The following DMRT1 variants were observed in gnomAD, a reference collection of about 807,000 sequenced individuals.
DMRT1 encodes doublesex- and mab-3-related transcription factor 1.
In DMRT1, 7 loss-of-function variants were observed where a neutral mutation model predicts 32.3. That is an observed-to-expected ratio of 0.22 (90% CI 0.12 to 0.41). DMRT1 has a LOEUF of 0.41. Ranked by LOEUF, DMRT1 falls within the 10% of genes least tolerant of loss-of-function variation. The pLI, the probability that DMRT1 is intolerant of heterozygous loss-of-function variation, is 1.00. For missense variants in DMRT1, 625 were observed against 500.5 expected, an observed-to-expected ratio of 1.25 and a Z score of -2.37; for synonymous variants, 278 against 206.1, an observed-to-expected ratio of 1.35 and a Z score of -2.99.
At chr9:864,190 ACTT>A (rs149663610) in intron 2 of DMRT1, among the ~76,000 whole-genome samples, 48,457 of 146,546 alleles carry the variant, frequency 0.33, 9,632 homozygotes, top group Non-Finnish European at 0.45. Context: ...TATTCTTTTA[ACTT>A]CTTCTTCTTC....
intron 4 of DMRT1, among the ~76,000 whole-genome samples, chr9:924,667 G>A (rs745839922): frequency 2.6e-5 from 4 of 152,170 alleles, no homozygotes; most frequent in Non-Finnish European, 4.4e-5. Context: ...GAGTGAGGAA[G>A]ATGGAGCATA....
At chr9:947,443 T>G (rs1250241083) in intron 4 of DMRT1, among the ~76,000 whole-genome samples, 2 of 152,248 alleles carry the variant, frequency 1.3e-5, no homozygotes, top group Non-Finnish European at 2.9e-5. Context: ...AATTTCTTGC[T>G]TCAGAAGTAA....
At chr9:852,477 G>C (rs572965607) in intron 2 of DMRT1, among the ~76,000 whole-genome samples, 26 of 147,664 alleles carry the variant, frequency 1.8e-4, no homozygotes, top group Non-Finnish European at 3.1e-4. Flanking sequence ...GCTCCTCTTT[G>C]TTTTGTTTTA....
chr9:871,265 C>G (rs1816237598), intron 2 of DMRT1, among the ~76,000 whole-genome samples: 2 of 151,352 alleles, frequency 1.3e-5, no homozygotes, highest in South Asian at 4.2e-4. Flanking sequence ...TGAGCTCGAG[C>G]AATTCTCCAC....
chr9:920,384 A>G (rs1818315630), intron 4 of DMRT1, among the ~76,000 whole-genome samples: 1 of 152,340 alleles, frequency 6.6e-6, no homozygotes, highest in African/African-American at 2.4e-5. Flanking sequence ...GCGGTGCCTT[A>G]GAAGCCAAAT....
chr9:860,584 C>T (rs1018567), intron 2 of DMRT1, among the ~76,000 whole-genome samples: 91,443 of 151,996 alleles, frequency 0.6, 30,354 homozygotes, highest in Non-Finnish European at 0.74. Context: ...CTCACATGGA[C>T]CTTATATCTC....
At chr9:853,304 T>G (rs988217953) in intron 2 of DMRT1, among the ~76,000 whole-genome samples, 2 of 152,136 alleles carry the variant, frequency 1.3e-5, no homozygotes, top group Admixed American at 6.5e-5. Context: ...TGATGTACTT[T>G]TTAATGGGTT....
chr9:870,403 A>AACAAC (rs1816187172), intron 2 of DMRT1, among the ~76,000 whole-genome samples: 11 of 151,160 alleles, frequency 7.3e-5, no homozygotes, highest in African/African-American at 2.7e-4. Flanking sequence ...CTGTCTCAAA[A>AACAAC]AACAACAACA....
chr9:896,285 C>CTTTTTTTTT (rs1195951813), intron 3 of DMRT1, among the ~76,000 whole-genome samples: 1 of 121,768 alleles, frequency 8.2e-6, no homozygotes. Context: ...CTTGTCTTTT[C>CTTTTTTTTT]TTTTTTTTTT....
At chr9:859,001 C>T (rs1216575078) in intron 2 of DMRT1, among the ~76,000 whole-genome samples, 1 of 151,994 alleles carries the variant, frequency 6.6e-6, no homozygotes, top group Non-Finnish European at 1.5e-5. Flanking sequence ...CAGACAGAAA[C>T]TCTGTACCCA....
intron 4 of DMRT1, among the ~76,000 whole-genome samples, chr9:946,011 G>A (rs937298568): frequency 3.3e-5 from 5 of 151,976 alleles, no homozygotes; most frequent in Admixed American, 1.3e-4. Flanking sequence ...GATCTTACAT[G>A]TTTAGTACAT....
chr9:885,357 G>C (rs1165896310), intron 2 of DMRT1, among the ~76,000 whole-genome samples: 2 of 152,208 alleles, frequency 1.3e-5, no homozygotes, highest in South Asian at 2.1e-4. Flanking sequence ...TCACATGTGG[G>C]CTTGGAGAAT....
intron 3 of DMRT1, among the ~76,000 whole-genome samples, chr9:905,020 T>A (rs965543961): frequency 3.3e-5 from 5 of 151,954 alleles, no homozygotes; most frequent in Admixed American, 2.0e-4. Context: ...TGATGCCTTG[T>A]GGAAAGATGA....
chr9:870,130 G>C (rs1231552074), intron 2 of DMRT1, among the ~76,000 whole-genome samples: 2 of 152,184 alleles, frequency 1.3e-5, no homozygotes, highest in African/African-American at 4.8e-5. Context: ...GGGCGCGGTG[G>C]CTCACGCCTG....
At chr9:846,888 G>C in intron 1 of DMRT1, 72 bp from the exon 2 acceptor site, 1 of 1,569,546 alleles carries the variant, frequency 6.4e-7, no homozygotes, top group Non-Finnish European at 8.8e-7. Context: ...GTCTGGGATG[G>C]GTGGGGCTTC....
At chr9:914,633 T>A (rs1818112368) in intron 3 of DMRT1, among the ~76,000 whole-genome samples, 1 of 149,656 alleles carries the variant, frequency 6.7e-6, no homozygotes, top group African/African-American at 2.5e-5. Flanking sequence ...AACGGAGTGA[T>A]TGGCCTAGAA....
At chr9:883,041 G>A (rs1287196121) in intron 2 of DMRT1, among the ~76,000 whole-genome samples, 3 of 151,712 alleles carry the variant, frequency 2.0e-5, no homozygotes, top group African/African-American at 7.3e-5. Context: ...CAAAGTGCTG[G>A]GATTACAGGC....
intron 4 of DMRT1, among the ~76,000 whole-genome samples, chr9:952,223 A>G (rs1023647595): frequency 3.9e-5 from 6 of 152,238 alleles, no homozygotes; most frequent in African/African-American, 1.4e-4. Flanking sequence ...GCAGATGCTC[A>G]GTAAATGTTC....
At chr9:932,165 G>T (rs2129864543) in intron 4 of DMRT1, among the ~76,000 whole-genome samples, 1 of 152,220 alleles carries the variant, frequency 6.6e-6, no homozygotes, top group Admixed American at 6.5e-5. Context: ...TAACTCCCTA[G>T]AATTTCATTT....
Sources: gnomAD v4.1 joint callset for allele counts (sites outside exome capture counted in the v4.1 genomes callset) on GRCh38, gnomAD v4.1.1 for gene constraint, MANE v1.5 for transcripts, NCBI Gene and HGNC (gene_info 2026-07-23, HGNC 2026-07-21) for gene names.